The following GPC6 variants were observed in gnomAD, a reference collection of about 807,000 sequenced individuals.
The protein encoded by GPC6 is glypican-6.
Under a neutral mutation model 55.2 loss-of-function variants are expected in GPC6, and 14 were observed. The observed-to-expected ratio is 0.25, with a 90% CI of 0.17 to 0.40. The LOEUF (loss-of-function observed/expected upper bound fraction) is 0.40, where lower values mean the gene tolerates loss of function less well. GPC6 is among the 10% of genes least tolerant of loss of function. The pLI, the probability that GPC6 is intolerant of heterozygous loss-of-function variation, is 1.00. For synonymous variants in GPC6, 278 were observed against 259.6 expected, an observed-to-expected ratio of 1.07 and a Z score of -0.68; for missense variants, 641 against 708.5, an observed-to-expected ratio of 0.90 and a Z score of 1.08.
chr13:94,003,335 A>G (rs150709605), intron 3 of GPC6, among the ~76,000 whole-genome samples: 1 of 152,184 alleles, frequency 6.6e-6, no homozygotes, highest in Non-Finnish European at 1.5e-5. Context: ...AACCTTGTAA[A>G]TCAGCCCTGT....
intron 1 of GPC6, among the ~76,000 whole-genome samples, chr13:93,442,646 G>T (rs911086425): frequency 6.6e-6 from 1 of 152,116 alleles, no homozygotes; most frequent in Non-Finnish European, 1.5e-5. Flanking sequence ...CGATGACTAC[G>T]AATGTCTTTC....
rs183431306 is a variant in GPC6 at position 93,728,586 on chromosome 13, A to C, written c.320-101568A>C. On this transcript the variant is annotated intron_variant, in intron 2 of 8. Transcript: ENST00000377047. Reference sequence around the variant, plus strand: ...TTATTTATTTATTTATTTATTTTTGAGACAGAGTCTCACTGTGTTGCCCAG... The same window carrying C: ...TTATTTATTTATTTATTTATTTTTGCGACAGAGTCTCACTGTGTTGCCCAG... 7.3e-3 allele frequency among the ~76,000 whole-genome samples: 1,048 copies of C among 142,764 alleles called. 6 individuals carry two copies. The highest frequency in any genetic ancestry group is 0.014 in the Non-Finnish European group (862 of 63,540). The allele number at this position is 142,764 out of a possible 152,430, so 93.7% of individuals were successfully genotyped here.
chr13:94,379,715 G>A (rs1880071849), intron 6 of GPC6, among the ~76,000 whole-genome samples: 1 of 152,142 alleles, frequency 6.6e-6, no homozygotes, highest in South Asian at 2.1e-4. Context: ...TACCTGGGAC[G>A]TTCCCATTTT....
At chr13:94,359,030 CG>C (rs1878934799) in intron 6 of GPC6, among the ~76,000 whole-genome samples, 1 of 152,148 alleles carries the variant, frequency 6.6e-6, no homozygotes, top group Non-Finnish European at 1.5e-5. Flanking sequence ...CCTTTCCTCT[CG>C]ACCATATAAA....
chr13:93,494,490 G>T (rs1327530977), intron 1 of GPC6, among the ~76,000 whole-genome samples: 1 of 152,146 alleles, frequency 6.6e-6, no homozygotes, highest in Non-Finnish European at 1.5e-5. Flanking sequence ...TTGCCAGTCT[G>T]TGTCTTTTAA....
intron 4 of GPC6, among the ~76,000 whole-genome samples, chr13:94,212,472 A>C (rs1046946050): frequency 6.6e-6 from 1 of 152,244 alleles, no homozygotes; most frequent in African/African-American, 2.4e-5. Context: ...TGTGAAGTAA[A>C]TAAATTTCCC....
intron 1 of GPC6, among the ~76,000 whole-genome samples, chr13:93,464,097 A>G (rs1291996304): frequency 1.3e-5 from 2 of 152,188 alleles, no homozygotes; most frequent in Non-Finnish European, 2.9e-5. Flanking sequence ...TACATATCTT[A>G]ATTTAGAAAT....
intron 4 of GPC6, among the ~76,000 whole-genome samples, chr13:94,059,088 T>A (rs902322079): frequency 4.6e-5 from 7 of 152,156 alleles, no homozygotes; most frequent in Non-Finnish European, 1.0e-4. Flanking sequence ...TAGAGTTTTT[T>A]TTTTTAAGAA....
At chr13:93,341,194 G>A (rs545088141) in intron 1 of GPC6, among the ~76,000 whole-genome samples, 13 of 152,212 alleles carry the variant, frequency 8.5e-5, no homozygotes, top group African/African-American at 1.4e-4. Flanking sequence ...TTACAATTGC[G>A]AATTGTGTGC....
In GPC6 at chr13:94,053,526, G is replaced by C. The variant is rs149329851; in HGVS notation, c.877+25632G>C. Among the ~76,000 whole-genome samples the C allele has an allele frequency of 4.5e-3, 688 of 152,246 alleles. 3 individuals carry two copies. The highest frequency in any genetic ancestry group is 0.011 in the South Asian group (51 of 4,818). On this transcript the variant is annotated intron_variant, in intron 4 of 8. Transcript: ENST00000377047. The stretch of plus-strand genomic sequence containing the variant: ...ACAATAGAGTGTGAAGGAAGAAATA[G>C]AAGCTGCAGTGAACCATGGTAGTTC...
intron 4 of GPC6, among the ~76,000 whole-genome samples, chr13:94,117,794 CAT>C (rs1886483152): frequency 6.6e-6 from 1 of 152,070 alleles, no homozygotes; most frequent in Non-Finnish European, 1.5e-5. Flanking sequence ...TGCAATTACT[CAT>C]TGGGGCAAAT....
intron 1 of GPC6, among the ~76,000 whole-genome samples, chr13:93,330,121 T>G (rs1382130391): frequency 6.6e-6 from 1 of 152,202 alleles, no homozygotes; most frequent in Non-Finnish European, 1.5e-5. Context: ...TGGGATGAAG[T>G]AAGTCTTCAT....
At chr13:93,480,026 T>A (rs1031327941) in intron 1 of GPC6, among the ~76,000 whole-genome samples, 1 of 152,150 alleles carries the variant, frequency 6.6e-6, no homozygotes, top group Non-Finnish European at 1.5e-5. Flanking sequence ...TTTAGAAACA[T>A]TGATAAGTGA....
chr13:94,378,150 A>T (rs1254423592), intron 6 of GPC6, among the ~76,000 whole-genome samples: 1 of 152,154 alleles, frequency 6.6e-6, no homozygotes, highest in Non-Finnish European at 1.5e-5. Flanking sequence ...TACATATGTA[A>T]CTAACCTGCA....
intron 2 of GPC6, among the ~76,000 whole-genome samples, chr13:93,693,888 A>T (rs1194311564): frequency 6.6e-6 from 1 of 152,188 alleles, no homozygotes; most frequent in Non-Finnish European, 1.5e-5. Context: ...TAGTTAAATA[A>T]AATTAATTGT....
At chr13:93,759,079 C>T (rs966459821) in intron 2 of GPC6, among the ~76,000 whole-genome samples, 3 of 152,126 alleles carry the variant, frequency 2.0e-5, no homozygotes, top group Non-Finnish European at 4.4e-5. Context: ...CTGCAAGATA[C>T]AGCCCAAGGA....
At chr13:93,919,436 C>T (rs1327336156) in intron 3 of GPC6, among the ~76,000 whole-genome samples, 1 of 152,210 alleles carries the variant, frequency 6.6e-6, no homozygotes, top group Non-Finnish European at 1.5e-5. Flanking sequence ...ACATGGTTCA[C>T]TAATGTGGGT....
At chr13:94,111,842 A>G (rs1886261113) in intron 4 of GPC6, among the ~76,000 whole-genome samples, 1 of 152,094 alleles carries the variant, frequency 6.6e-6, no homozygotes, top group African/African-American at 2.4e-5. Flanking sequence ...CCTTTGAAAA[A>G]GGAAGATACC....
intron 2 of GPC6, among the ~76,000 whole-genome samples, chr13:93,809,080 C>T (rs1166722412): frequency 6.6e-6 from 1 of 152,114 alleles, no homozygotes; most frequent in African/African-American, 2.4e-5. Context: ...AAGAGAACAA[C>T]AGATTGTATT....
Sources: gnomAD v4.1 joint callset for allele counts (sites outside exome capture counted in the v4.1 genomes callset) on GRCh38, gnomAD v4.1.1 for gene constraint, MANE v1.5 for transcripts, NCBI Gene and HGNC (gene_info 2026-07-23, HGNC 2026-07-21) for gene names.